Variants in FSTL5 observed in about 807,000 individuals in gnomAD.
The protein encoded by FSTL5 is follistatin like 5, also known as follistatin-related protein 5.
In FSTL5, 62 loss-of-function variants were observed where a neutral mutation model predicts 89.1. The observed-to-expected ratio is 0.70, with a 90% confidence interval of 0.57 to 0.86. The LOEUF (loss-of-function observed/expected upper bound fraction) is 0.86. Ranked by LOEUF, FSTL5 falls within the 40% of genes least tolerant of loss-of-function variation. The pLI is 0.00. For missense variants in FSTL5, 1,057 were observed against 1,001.6 expected (o/e 1.06, Z -0.75); for synonymous variants, 383 against 346.2 (o/e 1.11, Z -1.18).
At chr4:161,942,693 C>T (rs1474499133) in intron 3 of FSTL5, among the ~76,000 whole-genome samples, 1 of 151,952 alleles carries the variant, frequency 6.6e-6, no homozygotes, top group Non-Finnish European at 1.5e-5. Context: ...GGGAAAAAAC[C>T]CTGCAGACCA....
intron 3 of FSTL5, among the ~76,000 whole-genome samples, chr4:161,986,310 G>A (rs995246607): frequency 3.3e-5 from 5 of 152,162 alleles, no homozygotes; most frequent in African/African-American, 4.8e-5. Context: ...AGCACTTTGG[G>A]AGGCCGAGGC....
intron 15 of FSTL5, among the ~76,000 whole-genome samples, chr4:161,421,340 CAAAA>C (rs57798544): frequency 1.7e-5 from 2 of 115,176 alleles, no homozygotes; most frequent in Non-Finnish European, 3.5e-5. Context: ...AAGACTGTCT[CAAAA>C]AAAAAAAAAA....
intron 14 of FSTL5, among the ~76,000 whole-genome samples, chr4:161,455,952 C>A (rs943354564): frequency 2.0e-5 from 3 of 152,150 alleles, no homozygotes; most frequent in Admixed American, 6.5e-5. Context: ...TCCCTCAAGA[C>A]TAAAACTTCT....
At chr4:161,429,635 C>T (rs931312217) in intron 15 of FSTL5, among the ~76,000 whole-genome samples, 7 of 152,122 alleles carry the variant, frequency 4.6e-5, no homozygotes, top group African/African-American at 1.2e-4. Context: ...CTGCAGGAGC[C>T]GCAGTGTTAC....
At chr4:161,686,342 ATATATTTTTTTTTTTTTTT>A (rs1460403573) in intron 6 of FSTL5, among the ~76,000 whole-genome samples, 19 of 7,784 alleles carry the variant, frequency 2.4e-3, no homozygotes, top group African/African-American at 6.9e-3. Flanking sequence ...ATATATATAT[ATATATTTTTTTTTTTTTTT>A]TTTTTTTTTT....
Position 161,513,268 on chromosome 4 carries a change from A to C in FSTL5, c.1313-2844T>G, listed in dbSNP as rs28866494. ...AAGCACTGAACTGAACCAAACAAGG[A>C]GGGGGAGAGAGAGAGAGAGAGAGAG... On this transcript the variant is annotated intron_variant, in intron 10 of 15. Transcript: ENST00000306100. Among the ~76,000 whole-genome samples, 800 of 98,554 alleles carry C rather than the reference A, an allele frequency of 8.1e-3. 16 individuals carry two copies. Among genetic ancestry groups the C allele is most frequent in the African/African-American group, 0.027 (734 of 26,708 alleles). The allele number at this position is 98,554 out of a possible 152,430, so 64.7% of individuals were successfully genotyped here.
At chr4:161,865,681 G>T (rs1732061810) in intron 4 of FSTL5, among the ~76,000 whole-genome samples, 1 of 151,868 alleles carries the variant, frequency 6.6e-6, no homozygotes, top group Non-Finnish European at 1.5e-5. Context: ...AAAGCCTTCT[G>T]CCTTGATTTT....
intron 8 of FSTL5, among the ~76,000 whole-genome samples, chr4:161,573,152 G>A (rs1309569301): frequency 6.6e-6 from 1 of 152,166 alleles, no homozygotes; most frequent in Non-Finnish European, 1.5e-5. Flanking sequence ...GCCCACGCCT[G>A]TAGTCCCAGC....
At chr4:161,623,691 T>G (rs111914207) in intron 7 of FSTL5, among the ~76,000 whole-genome samples, 134 of 152,078 alleles carry the variant, frequency 8.8e-4, no homozygotes, top group African/African-American at 3.1e-3. Context: ...TGGTGTTGTA[T>G]TTAGTATCTA....
At chr4:161,393,614 C>A (rs769756665) in intron 15 of FSTL5, among the ~76,000 whole-genome samples, 3 of 151,976 alleles carry the variant, frequency 2.0e-5, no homozygotes, top group Non-Finnish European at 2.9e-5. Context: ...AAGGAAAGGG[C>A]AAATTCTAAT....
chr4:162,110,521 AATAT>A (rs1731394761), intron 2 of FSTL5, among the ~76,000 whole-genome samples: 1 of 151,838 alleles, frequency 6.6e-6, no homozygotes, highest in African/African-American at 2.4e-5. Flanking sequence ...AAATTTTACA[AATAT>A]ATAAAGTTTT....
chr4:161,833,963 T>C (rs1283265462), intron 4 of FSTL5, among the ~76,000 whole-genome samples: 1 of 152,172 alleles, frequency 6.6e-6, no homozygotes, highest in Non-Finnish European at 1.5e-5. Flanking sequence ...GTTGATGCAG[T>C]TTCTTCCTAG....
intron 2 of FSTL5, among the ~76,000 whole-genome samples, chr4:162,053,893 TC>T (rs1174925994): frequency 1.3e-5 from 2 of 151,688 alleles, no homozygotes; most frequent in Non-Finnish European, 3.0e-5. Flanking sequence ...AAAAAATAGT[TC>T]CTGTTCTATG....
chr4:161,419,199 T>C (rs777176424), intron 15 of FSTL5, among the ~76,000 whole-genome samples: 1 of 152,216 alleles, frequency 6.6e-6, no homozygotes, highest in Non-Finnish European at 1.5e-5. Flanking sequence ...CCATAGTCTC[T>C]CTTCTGGCAC....
intron 8 of FSTL5, among the ~76,000 whole-genome samples, chr4:161,548,935 T>A (rs549440138): frequency 2.8e-4 from 43 of 152,024 alleles, no homozygotes; most frequent in African/African-American, 1.0e-3. Context: ...CCAACAAAAA[T>A]TAACATGCTA....
At chr4:161,903,191 C>G (rs1038705800) in intron 4 of FSTL5, among the ~76,000 whole-genome samples, 1 of 151,714 alleles carries the variant, frequency 6.6e-6, no homozygotes, top group Non-Finnish European at 1.5e-5. Flanking sequence ...GTTATTAAGT[C>G]CTTTATAAAT....
At chr4:161,572,852 T>A (rs1159740040) in intron 8 of FSTL5, among the ~76,000 whole-genome samples, 1 of 152,096 alleles carries the variant, frequency 6.6e-6, no homozygotes, top group African/African-American at 2.4e-5. Flanking sequence ...CAAATAAAGG[T>A]AGGATATGGT....
chr4:161,431,183 A>G (rs1257208978), intron 15 of FSTL5, among the ~76,000 whole-genome samples: 1 of 152,200 alleles, frequency 6.6e-6, no homozygotes, highest in African/African-American at 2.4e-5. Flanking sequence ...TCGTGTATAA[A>G]CTACTCATAT....
intron 15 of FSTL5, among the ~76,000 whole-genome samples, chr4:161,410,935 C>G (rs767574376): frequency 4.2e-5 from 5 of 120,164 alleles, no homozygotes; most frequent in African/African-American, 5.8e-5. Flanking sequence ...ATTAATGAAA[C>G]CAAGGGTTGG....
Sources: gnomAD v4.1 joint callset for allele counts (sites outside exome capture counted in the v4.1 genomes callset) on GRCh38, gnomAD v4.1.1 for gene constraint, MANE v1.5 for transcripts, NCBI Gene and HGNC (gene_info 2026-07-23, HGNC 2026-07-21) for gene names.